ZNF318: variants seen among roughly 807,000 people sequenced by gnomAD.
The protein encoded by ZNF318 is endocrine regulator.
In ZNF318, 51 loss-of-function variants were observed where a neutral mutation model predicts 124.2. The observed-to-expected ratio is 0.41, with a 90% confidence interval of 0.33 to 0.52. The LOEUF is 0.52. Ranked by LOEUF, ZNF318 falls within the 20% of genes least tolerant of loss-of-function variation. The pLI, the probability that ZNF318 is intolerant of heterozygous loss-of-function variation, is 0.23. For missense variants in ZNF318, 2,815 were observed against 2,811.2 expected, an observed-to-expected ratio of 1.00 and a Z score of -0.03; for synonymous variants, 1,090 against 1,040.7, an observed-to-expected ratio of 1.05 and a Z score of -0.91.
rs1329065913 is a variant in ZNF318, at chr6:43,337,628, G to A, written c.6370C>T (p.His2124Tyr). Reference protein sequence around the residue: ...DRGLGGLEGTHQALDLLAGGM... With the variant: ...DRGLGGLEGTYQALDLLAGGM... ...CCTGCTAACAGGTCAAGGGCCTGGT[G>A]TGTTCCCTCTAGGCCCCCCAAGCCA... The change falls in exon 10 of 10, where the codon CAC becomes TAC. Residue 2124 changes from histidine to tyrosine, a missense_variant. His to Tyr is a moderately conservative substitution (Grantham distance 83). Transcript: ENST00000361428. 6.2e-7 allele frequency: 1 copy of A among 1,614,010 alleles called. No individual in the cohort carries two copies. Among genetic ancestry groups the A allele is most frequent in the Non-Finnish European group, 8.5e-7 (1 of 1,180,022 alleles).
At chr6:43,368,876 T>A (rs1218193081) in intron 1 of ZNF318, 91 bp downstream of exon 1, 6 of 1,246,344 alleles carry the variant, frequency 4.8e-6, no homozygotes, top group Non-Finnish European at 6.1e-6. Flanking sequence ...CTTAGGACCC[T>A]GGTCTGGAGG....
intron 5 of ZNF318, among the ~76,000 whole-genome samples, chr6:43,349,760 A>T (rs1396209509): frequency 6.6e-6 from 1 of 152,208 alleles, no homozygotes; most frequent in Non-Finnish European, 1.5e-5. Context: ...AAAGGAAGGC[A>T]TCAGGGAACA....
intron 5 of ZNF318, among the ~76,000 whole-genome samples, chr6:43,351,336 G>T (rs1779521844): frequency 6.6e-6 from 1 of 152,116 alleles, no homozygotes; most frequent in Non-Finnish European, 1.5e-5. Context: ...ATGGTAGACT[G>T]GATAATAGTA....
Position 43,369,188 on chromosome 6 carries a change from G to C in ZNF318, c.178C>G (p.Pro60Ala). ...SRTPARRPRSPSGHRGRRASP... is the reference protein window; with the variant it reads ...SRTPARRPRSASGHRGRRASP... Reference sequence around the variant, plus strand: ...GCCCGGCGGCCGCGGTGCCCTGAGGGCGAGCGGGGTCGGCGAGCCGGGGTC... The same window carrying C: ...GCCCGGCGGCCGCGGTGCCCTGAGGCCGAGCGGGGTCGGCGAGCCGGGGTC... Residue 60 changes from proline (P) to alanine (A), a missense_variant, in exon 1 of 10, where the codon CCC (proline) becomes GCC (alanine). Pro to Ala is a conservative substitution (Grantham distance 27). Coordinates refer to ENST00000361428, the MANE Select transcript of ZNF318 (RefSeq NM_014345.3). 1 of 1,213,284 alleles carries C rather than the reference G, an allele frequency of 8.2e-7. No individual in the cohort carries two copies. Among genetic ancestry groups the C allele is most frequent in the Non-Finnish European group, 1.0e-6 (1 of 977,678 alleles). 75.2% of individuals were successfully genotyped at this position (1,213,284 alleles called of 1,614,324 possible).
chr6:43,367,537 A>G (rs2150759097), intron 1 of ZNF318, among the ~76,000 whole-genome samples: 1 of 152,326 alleles, frequency 6.6e-6, no homozygotes, highest in African/African-American at 2.4e-5. Context: ...TCTAGAGGTA[A>G]AGCTAACGGG....
chr6:43,346,181 CAAAAAAAAAAAAAAA>C (rs150168420), intron 6 of ZNF318, among the ~76,000 whole-genome samples: 26 of 72,126 alleles, frequency 3.6e-4, no homozygotes, highest in African/African-American at 1.6e-3. Context: ...GACTCTGTTT[CAAAAAAAAAAAAAAA>C]AAAAAAAAAA....
In ZNF318 at chr6:43,338,873, T is replaced by C; in HGVS notation, c.5125A>G (p.Ser1709Gly). Residue 1709 changes from serine (S) to glycine (G), a missense_variant, in exon 10 of 10, where the codon AGT becomes GGT. Ser to Gly is a moderately conservative substitution (Grantham distance 56). Around this residue, in one of 4 missense-constraint regions of ZNF318, gnomAD observed 927 missense variants for 820.6 expected, o/e 1.13. Coordinates refer to ENST00000361428, the MANE Select transcript of ZNF318 (RefSeq NM_014345.3). ...CTCTTCTCTGGAGATATATCCCTACTAGTGTCACTCTGGAAGGAACTAGAG... is the reference window on the plus strand; with the variant it reads ...CTCTTCTCTGGAGATATATCCCTACCAGTGTCACTCTGGAAGGAACTAGAG... ...WTSSSFQSDT[S>G]RDISPEKSEL... The C allele has an allele frequency of 1.9e-6, 3 of 1,614,114 alleles. No homozygotes were observed. Among genetic ancestry groups the C allele is most frequent in the Non-Finnish European group, 2.5e-6 (3 of 1,180,026 alleles).
At chr6:43,344,080 G>A (rs186551794) in intron 6 of ZNF318, among the ~76,000 whole-genome samples, 4 of 152,224 alleles carry the variant, frequency 2.6e-5, no homozygotes, top group African/African-American at 9.6e-5. Context: ...ACAAGATGAA[G>A]AGCTGGGTAC....
At chr6:43,352,252 A>G in intron 5 of ZNF318, 125 bp downstream of exon 5, 2 of 689,024 alleles carry the variant, frequency 2.9e-6, no homozygotes, top group South Asian at 2.0e-5. Context: ...CTTTTTTGTA[A>G]GTTTAATTAC....
rs202043806 is a variant in ZNF318 at position 43,365,402 on chromosome 6, C to T, written c.438G>A (p.Lys146=). 89 of 1,614,000 alleles carry T rather than the reference C, an allele frequency of 5.5e-5. No homozygotes were observed. The highest frequency in any genetic ancestry group is 7.3e-5 in the Non-Finnish European group (86 of 1,180,026). Residue 146 remains lysine (K), a synonymous_variant, in exon 2 of 10, where the codon AAG becomes AAA. Transcript: ENST00000361428. ...CATTGCCAACAGTGATCCTTAAGCT[C>T]TTTTCCAAAGAGTCAGAACACAGAC... ...SPGLCSDSLE[K]SLRITVGNDH...
At chr6:43,362,018 G>A (rs1276748587) in intron 2 of ZNF318, among the ~76,000 whole-genome samples, 1 of 152,040 alleles carries the variant, frequency 6.6e-6, no homozygotes, top group African/African-American at 2.4e-5. Context: ...TTAGCTGGGC[G>A]TCGGGTGGTG....
At position 43,339,705 on chromosome 6, in the gene ZNF318, A is replaced by G; in HGVS notation, c.4293T>C (p.Ser1431=). The change falls in exon 10 of 10, where the codon AGT becomes AGC. Residue 1431 remains serine, a synonymous_variant. Transcript: ENST00000361428. This position sits in a 1 kb window ranked among gnomAD's most constrained non-coding sequence, Gnocchi z 4.2. Reference sequence around the variant, plus strand: ...TTTGTTCAGGTAAATGAGATGGCTCACTCTTTTCAGCCAACACCACTTTTT... The same window carrying G: ...TTTGTTCAGGTAAATGAGATGGCTCGCTCTTTTCAGCCAACACCACTTTTT... ...PEEKVVLAEK[S]EPSHLPEQIL... 1 of 1,613,802 alleles carries G rather than the reference A, an allele frequency of 6.2e-7. No individual in the cohort carries two copies. The highest frequency in any genetic ancestry group is 8.5e-7 in the Non-Finnish European group (1 of 1,179,982).
chr6:43,354,528 T>C (rs1779576232), intron 4 of ZNF318, 136 bp downstream of exon 4: 1 of 756,486 alleles, frequency 1.3e-6, no homozygotes, highest in Non-Finnish European at 2.2e-6. Flanking sequence ...TATACACTTC[T>C]TAGGATGATG....
chr6:43,342,060 C>A, intron 8 of ZNF318, 52 bp downstream of exon 8: 1 of 1,496,520 alleles, frequency 6.7e-7, no homozygotes, highest in Non-Finnish European at 9.3e-7. Context: ...AGGGACACCT[C>A]TTCCTCAACT....
intron 4 of ZNF318, among the ~76,000 whole-genome samples, chr6:43,353,255 A>G (rs1280982631): frequency 1.3e-5 from 2 of 152,200 alleles, no homozygotes; most frequent in Non-Finnish European, 2.9e-5. Context: ...TAAAGATTGA[A>G]GTTCAGGGTA....
rs774983804 is a variant in ZNF318, at chr6:43,340,293, G to A, written c.3705C>T (p.Asp1235=). Residue 1235 remains aspartate (D), a synonymous_variant, in exon 10 of 10, where the codon GAC becomes GAT. Transcript: ENST00000361428. The part of the protein sequence containing the change: ...EDDKVSEKLE[D]QLSEGRNSPE... Reference sequence around the variant, plus strand: ...GGGAGTTCCTACCCTCAGAGAGTTGGTCTTCTAATTTCTCAGAGACCTTGT... The same window carrying A: ...GGGAGTTCCTACCCTCAGAGAGTTGATCTTCTAATTTCTCAGAGACCTTGT... The A allele has an allele frequency of 1.2e-6, 2 of 1,613,912 alleles. No homozygotes were observed. Among genetic ancestry groups the A allele is most frequent in the Admixed American group, 1.7e-5 (1 of 59,956 alleles).
chr6:43,355,646 A>C lies in ZNF318; in HGVS notation c.1688T>G (p.Met563Arg). The change falls in exon 4 of 10, where the codon ATG becomes AGG. Residue 563 changes from methionine (M) to arginine (R), a missense_variant. By Grantham distance (91) the Met-to-Arg change is moderately conservative (BLOSUM62 -1). Coordinates refer to ENST00000361428, the MANE Select transcript of ZNF318 (RefSeq NM_014345.3). The stretch of plus-strand genomic sequence containing the variant: ...CGGCAGGGAGCTTGCCTTCTGCCTC[A>C]TAACTTCACTCTCAGAGCTCCCAAG... ...KPLGSSESEV[M>R]RQKASSLPSS... 1.2e-6 allele frequency: 2 copies of C among 1,614,184 alleles called. No homozygotes were observed. The highest frequency in any genetic ancestry group is 1.7e-6 in the Non-Finnish European group (2 of 1,180,020).
At chr6:43,343,022 A>T (rs887359768) in intron 6 of ZNF318, 143 bp from the exon 7 acceptor site, 2 of 662,824 alleles carry the variant, frequency 3.0e-6, no homozygotes, top group African/African-American at 3.6e-5. Context: ...GTTGGGGGGA[A>T]CCCTAACAGA....
rs774793882 is a variant in ZNF318 at position 43,340,854 on chromosome 6, A to G, written c.3431T>C (p.Phe1144Ser). The stretch of plus-strand genomic sequence containing the variant: ...CTCCCCAGAAATTGGATCCCCCAAA[A>G]ATTCCTCACAGAGCTGGCAATAAAA... Reference protein sequence around the residue: ...SGFYCQLCEEFLGDPISGEQH... With the variant: ...SGFYCQLCEESLGDPISGEQH... Residue 1144 changes from phenylalanine to serine, a missense_variant, in exon 9 of 10, where the codon TTT becomes TCT. Phe to Ser is a radical substitution (Grantham distance 155). Transcript: ENST00000361428. 1.2e-6 allele frequency: 2 copies of G among 1,614,192 alleles called. No individual in the cohort carries two copies. Among genetic ancestry groups the G allele is most frequent in the Non-Finnish European group, 1.7e-6 (2 of 1,180,024 alleles).
Sources: gnomAD v4.1 joint callset for allele counts (sites outside exome capture counted in the v4.1 genomes callset) on GRCh38, gnomAD v4.1.1 for gene constraint, gnomAD v4.1.1 regional missense constraint, Gnocchi (gnomAD v3.1) non-coding constraint, MANE v1.5 for transcripts, NCBI Gene and HGNC (gene_info 2026-07-23, HGNC 2026-07-21) for gene names.